Variants in CRYBG3 observed in about 807,000 individuals in gnomAD.
The protein encoded by CRYBG3 is crystallin beta-gamma domain containing 3.
CRYBG3 carries 127 observed loss-of-function variants against 244.2 expected under a neutral mutation model. The ratio of observed to expected loss-of-function variants is 0.52; its 90% CI spans 0.45 to 0.60. The LOEUF is 0.60. Ranked by LOEUF, CRYBG3 falls within the 20% of genes least tolerant of loss-of-function variation. The pLI, the probability that CRYBG3 is intolerant of heterozygous loss-of-function variation, is 0.00. For missense variants in CRYBG3, 3,325 were observed against 3,442.5 expected, an observed-to-expected ratio of 0.97 and a Z score of 0.85; for synonymous variants, 1,132 against 1,195.8, an observed-to-expected ratio of 0.95 and a Z score of 1.10.
chr3:97,904,230 G>A (rs900755159), intron 15 of CRYBG3, among the ~76,000 whole-genome samples: 2 of 152,110 alleles, frequency 1.3e-5, no homozygotes, highest in Non-Finnish European at 2.9e-5. Flanking sequence ...GTTCTATTTT[G>A]AGGATTGATA....
At chr3:97,890,233 T>C (rs942308582) in intron 10 of CRYBG3, among the ~76,000 whole-genome samples, 1 of 152,238 alleles carries the variant, frequency 6.6e-6, no homozygotes, top group African/African-American at 2.4e-5. Flanking sequence ...TTAAAAATGC[T>C]TGAGCCTGGG....
Position 97,877,268 on chromosome 3 carries a change from T to G in CRYBG3, c.6074T>G (p.Leu2025Trp), listed in dbSNP as rs758870333. 3.7e-6 allele frequency: 6 copies of G among 1,614,048 alleles called. No individual in the cohort carries two copies. The highest frequency in any genetic ancestry group is 1.1e-5 in the South Asian group (1 of 91,088). The change falls in exon 4 of 22, where the codon TTG (leucine) becomes TGG (tryptophan). Residue 2025 changes from leucine (L) to tryptophan (W), a missense_variant. Transcript: ENST00000389622. ...GAAGCAAGACAAACACAGTCTGTCT[T>G]GTTTCATGATACGTCCGCTGACAGC... ...SAEARQTQSV[L>W]FHDTSADSMP...
At chr3:97,931,175 C>T (rs2040093365) in intron 17 of CRYBG3, among the ~76,000 whole-genome samples, 2 of 152,060 alleles carry the variant, frequency 1.3e-5, no homozygotes, top group Non-Finnish European at 2.9e-5. Flanking sequence ...ACTCTTCAGC[C>T]CTTACAACCT....
intron 7 of CRYBG3, among the ~76,000 whole-genome samples, chr3:97,882,982 GGA>G (rs1357199380): frequency 1.3e-5 from 2 of 152,134 alleles, no homozygotes; most frequent in Non-Finnish European, 2.9e-5. Context: ...AAAGACTCGG[GGA>G]GAGCAGCTGA....
At chr3:97,919,853 T>C (rs1214914960) in intron 17 of CRYBG3, among the ~76,000 whole-genome samples, 1 of 152,074 alleles carries the variant, frequency 6.6e-6, no homozygotes, top group African/African-American at 2.4e-5. Flanking sequence ...AGAAAAATAT[T>C]TAAGGTGGCT....
chr3:97,896,928 A>G (rs1490391955), intron 12 of CRYBG3, among the ~76,000 whole-genome samples: 1 of 152,166 alleles, frequency 6.6e-6, no homozygotes, highest in Non-Finnish European at 1.5e-5. Context: ...AGAACTTTGG[A>G]AAGATGAATC....
chr3:97,849,003 T>C (rs1254711697), intron 2 of CRYBG3, among the ~76,000 whole-genome samples: 1 of 152,226 alleles, frequency 6.6e-6, no homozygotes, highest in Non-Finnish European at 1.5e-5. Flanking sequence ...TGTGTAATGA[T>C]GGAAAGAACA....
At chr3:97,900,980 CCAA>C in intron 15 of CRYBG3, among the ~76,000 whole-genome samples, 1 of 152,054 alleles carries the variant, frequency 6.6e-6, no homozygotes, top group Non-Finnish European at 1.5e-5. Context: ...ACTTTGGAGC[CCAA>C]CATTTGCTTA....
At chr3:97,938,104 A>C (rs1326547179) in intron 19 of CRYBG3, among the ~76,000 whole-genome samples, 1 of 151,914 alleles carries the variant, frequency 6.6e-6, no homozygotes, top group African/African-American at 2.4e-5. Context: ...ACCTCTCTCT[A>C]ATCTCTTTAG....
intron 20 of CRYBG3, 106 bp from the exon 21 acceptor site, chr3:97,942,178 C>T (rs2107113873): frequency 1.1e-6 from 1 of 926,282 alleles, no homozygotes; most frequent in Non-Finnish European, 1.6e-6. Context: ...ATAAGACACA[C>T]ACACACTTCA....
Position 97,873,112 on chromosome 3 carries a change from A to G in CRYBG3, c.1918A>G (p.Lys640Glu). Residue 640 changes from lysine (K) to glutamate (E), a missense_variant, in exon 4 of 22, where the codon AAA becomes GAA. Lys to Glu is a moderately conservative substitution (Grantham distance 56). Around this residue, in one of 4 missense-constraint regions of CRYBG3, gnomAD observed 1,526 missense variants for 1,443.2 expected, o/e 1.06. Transcript: ENST00000389622. ...ACAAGCTGAAGTATCACCTGATGCT[A>G]AAACATCTCTTAGCCTTGACTGTAA... The part of the protein sequence containing the change: ...PQQAEVSPDA[K>E]TSLSLDCKKL... The G allele has an allele frequency of 1.3e-6, 2 of 1,535,532 alleles. No homozygotes were observed. Among genetic ancestry groups the G allele is most frequent in the Non-Finnish European group, 1.7e-6 (2 of 1,146,646 alleles).
chr3:97,931,739 C>A (rs1056538652), intron 17 of CRYBG3, among the ~76,000 whole-genome samples: 1 of 152,062 alleles, frequency 6.6e-6, no homozygotes, highest in Admixed American at 6.6e-5. Flanking sequence ...CTTACTGATT[C>A]CATTTGTTTG....
intron 17 of CRYBG3, among the ~76,000 whole-genome samples, chr3:97,926,849 T>C (rs981573992): frequency 6.6e-6 from 1 of 151,920 alleles, no homozygotes; most frequent in African/African-American, 2.4e-5. Context: ...TATCTAGATA[T>C]ACAGCTCACC....
chr3:97,911,287 A>C (rs1177659452), intron 15 of CRYBG3, among the ~76,000 whole-genome samples: 7 of 152,322 alleles, frequency 4.6e-5, no homozygotes, highest in Admixed American at 3.9e-4. Context: ...CTGTCAGTGC[A>C]GGGTGGACCT....
At chr3:97,852,539 G>A (rs1237135774) in intron 2 of CRYBG3, among the ~76,000 whole-genome samples, 3 of 152,144 alleles carry the variant, frequency 2.0e-5, no homozygotes, top group African/African-American at 7.2e-5. Flanking sequence ...TTGTAACGAG[G>A]TTAGTAATGA....
rs73850195 is a variant in CRYBG3, at chr3:97,849,751, T to G, written c.216+6490T>G. Among the ~76,000 whole-genome samples the G allele has an allele frequency of 6.5e-3, 985 of 152,282 alleles. 8 individuals carry two copies. Among genetic ancestry groups the G allele is most frequent in the African/African-American group, 0.022 (901 of 41,564 alleles). On this transcript the variant is annotated intron_variant, in intron 2 of 21. Transcript: ENST00000389622. ...TAGATTTTTGTGAGAAAATTTGCCT[T>G]TACAGGTGTCAGATACTGATTCTGG...
At chr3:97,862,054 G>A (rs1261025035) in intron 2 of CRYBG3, among the ~76,000 whole-genome samples, 2 of 151,410 alleles carry the variant, frequency 1.3e-5, no homozygotes, top group African/African-American at 4.8e-5. Flanking sequence ...TTCCGGAATA[G>A]CAAAGAAGCA....
intron 2 of CRYBG3, among the ~76,000 whole-genome samples, chr3:97,848,505 G>A (rs1056522016): frequency 6.6e-6 from 1 of 152,116 alleles, no homozygotes; most frequent in Non-Finnish European, 1.5e-5. Context: ...GTTTCACCGT[G>A]TTAGCCAGGA....
intron 17 of CRYBG3, among the ~76,000 whole-genome samples, chr3:97,926,750 A>G (rs1300511513): frequency 6.6e-6 from 1 of 152,106 alleles, no homozygotes; most frequent in Non-Finnish European, 1.5e-5. Flanking sequence ...GTGTAGAAAA[A>G]TCAGTAGCAT....
Sources: allele counts gnomAD v4.1 joint callset (sites outside exome capture counted in the v4.1 genomes callset), GRCh38; gene constraint gnomAD v4.1.1; regional missense constraint gnomAD v4.1.1; transcripts MANE v1.5; gene names NCBI Gene and HGNC (gene_info 2026-07-23, HGNC 2026-07-21).